MAML2: variants seen among roughly 807,000 people sequenced by gnomAD.
MAML2 encodes the protein mastermind like transcriptional coactivator 2.
A neutral mutation model predicts 96.1 loss-of-function variants in MAML2; 22 were observed. That is an observed-to-expected ratio of 0.23 (90% CI 0.16 to 0.33). The LOEUF (loss-of-function observed/expected upper bound fraction) is 0.33, where lower values mean the gene tolerates loss of function less well. Among genes scored for constraint, MAML2 ranks in the 10% least tolerant of loss-of-function variants. The pLI, the probability that MAML2 is intolerant of heterozygous loss-of-function variation, is 1.00. For synonymous variants in MAML2, 561 were observed against 521.3 expected (o/e 1.08, Z -1.04); for missense variants, 1,367 against 1,392.4 (o/e 0.98, Z 0.29).
At chr11:96,289,992 T>A (rs889182086) in intron 1 of MAML2, among the ~76,000 whole-genome samples, 1 of 152,178 alleles carries the variant, frequency 6.6e-6, no homozygotes, top group East Asian at 1.9e-4. Context: ...TCCTCTAAGC[T>A]CTCTCACTTT....
chr11:96,296,636 T>C (rs1863304755), intron 1 of MAML2, among the ~76,000 whole-genome samples: 1 of 151,426 alleles, frequency 6.6e-6, no homozygotes, highest in African/African-American at 2.4e-5. Flanking sequence ...AAAGCAAAAC[T>C]CCATCTCCAA....
chr11:96,096,329 G>A (rs189711843), intron 1 of MAML2, among the ~76,000 whole-genome samples: 16 of 152,256 alleles, frequency 1.1e-4, no homozygotes, highest in African/African-American at 3.6e-4. Flanking sequence ...GTATAATAAT[G>A]AGTCATTTAT....
At chr11:96,300,252 T>C (rs1863367914) in intron 1 of MAML2, among the ~76,000 whole-genome samples, 1 of 151,888 alleles carries the variant, frequency 6.6e-6, no homozygotes, top group African/African-American at 2.4e-5. Context: ...ATAGCCGGAG[T>C]GTTGAAGTCT....
intron 1 of MAML2, among the ~76,000 whole-genome samples, chr11:96,292,645 A>G (rs1168915750): frequency 6.6e-6 from 1 of 152,210 alleles, no homozygotes. Flanking sequence ...TCTGTTGTCC[A>G]AAACTCATTT....
chr11:96,122,497 G>GGTGTGTGT lies in MAML2; in HGVS notation c.514-28988_514-28981dup, dbSNP rs67940033. Among the ~76,000 whole-genome samples, 351 of 135,758 alleles carry GGTGTGTGT rather than the reference G, an allele frequency of 2.6e-3. 1 individual carries two copies. The highest frequency in any genetic ancestry group is 4.5e-3 in the Non-Finnish European group (270 of 60,464). The allele number at this position is 135,758 out of a possible 152,430, so 89.1% of individuals were successfully genotyped here. A position where few individuals can be genotyped will look rare whatever the true frequency, so the allele number is the denominator to read the frequency against. ...GGACAAATACAAATCTTTTAGGCTG[G>GGTGTGTGT]GTGTGTGTGTGTGTGTGTGTGTGTG... On this transcript the variant is annotated intron_variant, in intron 1 of 4. Transcript: ENST00000524717.
chr11:96,024,544 A>T (rs1276981131), intron 2 of MAML2, among the ~76,000 whole-genome samples: 1 of 152,246 alleles, frequency 6.6e-6, no homozygotes, highest in African/African-American at 2.4e-5. Flanking sequence ...TAAAAGCCAC[A>T]TCTGTTTTTT....
chr11:96,043,989 C>A (rs1345892766), intron 2 of MAML2, among the ~76,000 whole-genome samples: 3 of 152,222 alleles, frequency 2.0e-5, no homozygotes, highest in African/African-American at 7.2e-5. Flanking sequence ...TGAGTAATGG[C>A]CCAGGGCCTA....
At chr11:96,153,205 A>G (rs1039431081) in intron 1 of MAML2, among the ~76,000 whole-genome samples, 4 of 151,802 alleles carry the variant, frequency 2.6e-5, no homozygotes, top group African/African-American at 9.7e-5. Context: ...GTCCAAAACA[A>G]TGAGGCATCC....
At chr11:95,991,020 C>T (rs952864467) in intron 3 of MAML2, among the ~76,000 whole-genome samples, 16 of 151,088 alleles carry the variant, frequency 1.1e-4, no homozygotes, top group African/African-American at 3.9e-4. Flanking sequence ...CTAATATATA[C>T]AGTGCAAATG....
intron 1 of MAML2, among the ~76,000 whole-genome samples, chr11:96,149,358 G>A (rs1003583915): frequency 8.9e-5 from 13 of 146,226 alleles, no homozygotes; most frequent in Admixed American, 1.4e-4. Context: ...TGGAGGCTGC[G>A]GTGAGCTGAG....
intron 1 of MAML2, among the ~76,000 whole-genome samples, chr11:96,140,513 T>C (rs1210590448): frequency 6.6e-6 from 1 of 151,812 alleles, no homozygotes; most frequent in Non-Finnish European, 1.5e-5. Context: ...GATCTTGGAG[T>C]TTCTTTGAGC....
rs1267080746 is a variant in MAML2, at chr11:96,184,589, T to C, written c.514-91072A>G. 2.0e-5 allele frequency among the ~76,000 whole-genome samples: 3 copies of C among 148,212 alleles called. No individual in the cohort carries two copies. In the East Asian group the frequency reaches 6.0e-4, roughly 29 times the overall value. On this transcript the variant is annotated intron_variant, in intron 1 of 4. Transcript: ENST00000524717. ...CAAGCAACTCTGAATATAGTCATTT[T>C]ACTTTTTTTTTTTTTTTTTGAGATG...
At chr11:96,341,049 C>T (rs1048850548) in intron 1 of MAML2, among the ~76,000 whole-genome samples, 1 of 152,076 alleles carries the variant, frequency 6.6e-6, no homozygotes, top group Non-Finnish European at 1.5e-5. Context: ...GCTGGAGGAT[C>T]CATGAGATAG....
intron 1 of MAML2, among the ~76,000 whole-genome samples, chr11:96,163,675 T>C (rs960660562): frequency 6.6e-6 from 1 of 152,212 alleles, no homozygotes; most frequent in Non-Finnish European, 1.5e-5. Context: ...GCAATGATCA[T>C]TTTTATCTGT....
At chr11:96,005,475 T>C (rs1858164647) in intron 2 of MAML2, among the ~76,000 whole-genome samples, 1 of 152,210 alleles carries the variant, frequency 6.6e-6, no homozygotes, top group African/African-American at 2.4e-5. Context: ...GAACAATAAA[T>C]ACCACTGTGA....
chr11:96,228,776 G>A (rs1862249636), intron 1 of MAML2, among the ~76,000 whole-genome samples: 2 of 152,128 alleles, frequency 1.3e-5, no homozygotes, highest in South Asian at 2.1e-4. Flanking sequence ...ATTCCATTGT[G>A]GTGATGCTGC....
At chr11:96,111,780 C>T (rs1860128142) in intron 1 of MAML2, among the ~76,000 whole-genome samples, 1 of 152,170 alleles carries the variant, frequency 6.6e-6, no homozygotes, top group South Asian at 2.1e-4. Flanking sequence ...TCTGGGAATT[C>T]AGAGCCCACA....
chr11:96,117,300 T>TC (rs1448511144), intron 1 of MAML2, among the ~76,000 whole-genome samples: 1 of 151,688 alleles, frequency 6.6e-6, no homozygotes, highest in Non-Finnish European at 1.5e-5. Context: ...TTTTTTTTTT[T>TC]TTTTAAATTT....
chr11:96,092,391 G>C lies in MAML2; in HGVS notation c.1640C>G (p.Pro547Arg). The change falls in exon 2 of 5, where the codon CCA becomes CGA. Residue 547 changes from proline to arginine, a missense_variant. Transcript: ENST00000524717. The surrounding 1 kb of genome is among the most constrained non-coding windows in gnomAD (Gnocchi z 4.1). ...LSRSFINNPH[P>R]AMEPRQGNTK... ...GTTGCCCTGACGGGGCTCCATGGCTGGGTGCGGGTTGTTAATAAAACTTCG... is the reference window on the plus strand; with the variant it reads ...GTTGCCCTGACGGGGCTCCATGGCTCGGTGCGGGTTGTTAATAAAACTTCG... 1 of 1,613,994 alleles carries C rather than the reference G, an allele frequency of 6.2e-7. No homozygotes were observed. The highest frequency in any genetic ancestry group is 1.1e-5 in the South Asian group (1 of 91,078).
Sources: gnomAD v4.1 joint callset for allele counts (sites outside exome capture counted in the v4.1 genomes callset) on GRCh38, gnomAD v4.1.1 for gene constraint, Gnocchi (gnomAD v3.1) non-coding constraint, MANE v1.5 for transcripts, NCBI Gene and HGNC (gene_info 2026-07-23, HGNC 2026-07-21) for gene names.